MELK: variants seen among roughly 807,000 people sequenced by gnomAD.
The protein encoded by MELK is maternal embryonic leucine zipper kinase, also known as pEg3 kinase.
MELK carries 81 observed loss-of-function variants against 85.0 expected under a neutral mutation model. The ratio of observed to expected loss-of-function variants is 0.95; its 90% confidence interval spans 0.80 to 1.15. The LOEUF is 1.15. Ranked by LOEUF, MELK falls within the 50% of genes most tolerant of loss-of-function variation. The probability of loss-of-function intolerance (pLI) is 0.00; values close to 1 mark genes in which losing one functional copy is unlikely to be tolerated. For missense variants in MELK, 754 were observed against 777.5 expected (o/e 0.97, Z 0.36); for synonymous variants, 252 against 265.0 (o/e 0.95, Z 0.48).
chr9:36,606,696 CATATATGT>C (rs1448582102), intron 7 of MELK: 2 of 146,392 alleles, frequency 1.4e-5, no homozygotes, highest in African/African-American at 5.0e-5. Context: ...TACATGTATG[CATATATGT>C]ATATATGGAC....
intron 13 of MELK, among the ~76,000 whole-genome samples, chr9:36,660,856 T>A (rs560716756): frequency 1.3e-5 from 2 of 152,046 alleles, no homozygotes; most frequent in Non-Finnish European, 2.9e-5. Context: ...CTGCCTGTGG[T>A]GGCACATGCC....
chr9:36,657,217 GTTC>G, intron 12 of MELK, 21 bp from the exon 13 acceptor site: 2 of 1,598,884 alleles, frequency 1.3e-6, no homozygotes, highest in Non-Finnish European at 1.7e-6. Flanking sequence ...TCATCTTTAA[GTTC>G]TTCTGTCTTT....
At chr9:36,589,394 C>G in intron 3 of MELK, 142 bp from the exon 4 acceptor site, 1 of 610,700 alleles carries the variant, frequency 1.6e-6, no homozygotes, top group Non-Finnish European at 3.0e-6. Flanking sequence ...ATGATCCGCC[C>G]GCCTCGGCCT....
At chr9:36,665,981 G>C (rs1587618428) in intron 14 of MELK, among the ~76,000 whole-genome samples, 1 of 152,162 alleles carries the variant, frequency 6.6e-6, no homozygotes, top group Admixed American at 6.5e-5. Context: ...TATGACTCAA[G>C]CTGACGCCTC....
chr9:36,637,074 C>T (rs376422884), intron 10 of MELK, among the ~76,000 whole-genome samples: 8 of 151,482 alleles, frequency 5.3e-5, no homozygotes, highest in South Asian at 2.1e-4. Context: ...CCTTGTTATC[C>T]GCCTGCCTCG....
intron 1 of MELK, among the ~76,000 whole-genome samples, chr9:36,573,728 A>G (rs1821340455): frequency 6.6e-6 from 1 of 151,984 alleles, no homozygotes; most frequent in South Asian, 2.1e-4. Context: ...GCTGGTCTCC[A>G]GCTCGTGTCC....
In MELK at chr9:36,595,377, C is replaced by T. The variant is rs577844194; in HGVS notation, c.405+606C>T. Among the ~76,000 whole-genome samples the T allele has an allele frequency of 2.0e-5, 3 of 152,208 alleles. No homozygotes were observed. In the East Asian group the frequency reaches 5.8e-4, roughly 29 times the overall value. On this transcript the variant is annotated intron_variant, in intron 5 of 17. Transcript: ENST00000298048. Reference sequence around the variant, plus strand: ...GGTCTCAATCTCCTGACCTTGTGATCTGCCCACCTCGGCCTCCCAAATTGC... The same window carrying T: ...GGTCTCAATCTCCTGACCTTGTGATTTGCCCACCTCGGCCTCCCAAATTGC...
chr9:36,608,916 A>G (rs1050329327), intron 8 of MELK, among the ~76,000 whole-genome samples: 1 of 152,204 alleles, frequency 6.6e-6, no homozygotes, highest in African/African-American at 2.4e-5. Flanking sequence ...TACTTCTTCA[A>G]TGAAAAGCTT....
chr9:36,591,268 C>T (rs574823788), intron 4 of MELK, among the ~76,000 whole-genome samples: 2 of 151,624 alleles, frequency 1.3e-5, no homozygotes, highest in African/African-American at 4.9e-5. Flanking sequence ...TAGGTGATCC[C>T]TTTGTTCAAA....
rs139703596 is a variant in MELK, at chr9:36,597,972, A to G, written c.474+682A>G. 5.3e-4 allele frequency among the ~76,000 whole-genome samples: 81 copies of G among 152,174 alleles called. 1 individual carries two copies. The highest frequency in any genetic ancestry group is 1.5e-4 in the Non-Finnish European group (10 of 68,004). ...ACAATCTCTAAAATGAGCTGTCTAC[A>G]CTCATTAAGAATGTTGAAATTGCAG... On this transcript the variant is annotated intron_variant, in intron 6 of 17. Transcript: ENST00000298048.
At chr9:36,665,122 A>G (rs1832211214) in intron 13 of MELK, among the ~76,000 whole-genome samples, 1 of 152,184 alleles carries the variant, frequency 6.6e-6, no homozygotes. Context: ...ATGTGTATAC[A>G]CTCAGCCTGT....
At chr9:36,626,187 A>G (rs563877824) in intron 8 of MELK, among the ~76,000 whole-genome samples, 2 of 152,282 alleles carry the variant, frequency 1.3e-5, no homozygotes, top group Non-Finnish European at 2.9e-5. Context: ...CAAAGAGCCC[A>G]CCAAGAGTTT....
intron 8 of MELK, among the ~76,000 whole-genome samples, chr9:36,622,368 A>G (rs932429724): frequency 2.0e-5 from 3 of 152,226 alleles, no homozygotes; most frequent in African/African-American, 7.2e-5. Flanking sequence ...TCACTTGGGA[A>G]TAACACTTTC....
chr9:36,660,907 C>T (rs893617987), intron 13 of MELK, among the ~76,000 whole-genome samples: 4 of 152,132 alleles, frequency 2.6e-5, no homozygotes, highest in Admixed American at 2.6e-4. Context: ...AGGAGAATTG[C>T]TTGAACCCGG....
intron 8 of MELK, among the ~76,000 whole-genome samples, chr9:36,611,460 A>T (rs1826044520): frequency 6.6e-6 from 1 of 152,170 alleles, no homozygotes; most frequent in Non-Finnish European, 1.5e-5. Context: ...AAGTTAGCTA[A>T]TGGATTTAAT....
chr9:36,650,194 C>T (rs1402656919), intron 11 of MELK, among the ~76,000 whole-genome samples: 2 of 151,874 alleles, frequency 1.3e-5, no homozygotes, highest in African/African-American at 2.4e-5. Context: ...CCACCCGCCT[C>T]GGCCTCCCAA....
intron 9 of MELK, among the ~76,000 whole-genome samples, chr9:36,631,556 G>A (rs547699080): frequency 6.6e-5 from 10 of 151,878 alleles, no homozygotes; most frequent in East Asian, 1.9e-4. Flanking sequence ...GTGAGCCACC[G>A]CACCCAGCCT....
chr9:36,616,096 A>G (rs548699174), intron 8 of MELK, among the ~76,000 whole-genome samples: 228 of 152,316 alleles, frequency 1.5e-3, no homozygotes, highest in African/African-American at 5.3e-3. Flanking sequence ...GCAAAGAAAA[A>G]AATTATTTTT....
chr9:36,575,077 G>T (rs1354633363), intron 1 of MELK, among the ~76,000 whole-genome samples: 2 of 152,192 alleles, frequency 1.3e-5, no homozygotes, highest in Non-Finnish European at 2.9e-5. Context: ...AGGTTGCAGT[G>T]AGCCGAGATT....
Sources: gnomAD v4.1 joint callset for allele counts (sites outside exome capture counted in the v4.1 genomes callset) on GRCh38, gnomAD v4.1.1 for gene constraint, MANE v1.5 for transcripts, NCBI Gene and HGNC (gene_info 2026-07-23, HGNC 2026-07-21) for gene names.